MTMR3: variants seen among roughly 807,000 people sequenced by gnomAD.
The protein encoded by MTMR3 is myotubularin related protein 3, also known as phosphatidylinositol-3,5-bisphosphate 3-phosphatase MTMR3.
A neutral mutation model predicts 132.4 loss-of-function variants in MTMR3; 32 were observed. The ratio of observed to expected loss-of-function variants is 0.24; its 90% CI spans 0.18 to 0.32. MTMR3 has a LOEUF of 0.32. Ranked by LOEUF, MTMR3 falls within the 10% of genes least tolerant of loss-of-function variation. The pLI is 1.00. For synonymous variants in MTMR3, 556 were observed against 550.3 expected, an observed-to-expected ratio of 1.01 and a Z score of -0.14; for missense variants, 1,216 against 1,489.6, an observed-to-expected ratio of 0.82 and a Z score of 3.02.
chr22:30,020,764 G>T lies in MTMR3; in HGVS notation c.3105G>T (p.Glu1035Asp), dbSNP rs1269407989. Residue 1035 changes from glutamate to aspartate, a missense_variant, in exon 17 of 20, where the codon GAG becomes GAT. Physicochemically the swap from Glu to Asp is conservative, Grantham distance 45. Coordinates refer to ENST00000401950, the MANE Select transcript of MTMR3 (RefSeq NM_021090.4). ...DTIQQRLRQIESGHQQEVETL... is the reference protein window; with the variant it reads ...DTIQQRLRQIDSGHQQEVETL... ...TCCAACAGCGCCTGCGTCAGATTGA[G>T]TCAGGCCACCAGCAGGAAGTAGAAA... The T allele has an allele frequency of 6.2e-7, 1 of 1,614,110 alleles. No individual in the cohort carries two copies. Among genetic ancestry groups the T allele is most frequent in the African/African-American group, 1.3e-5 (1 of 74,938 alleles).
chr22:29,932,384 T>C (rs898468080), intron 1 of MTMR3, among the ~76,000 whole-genome samples: 2 of 152,226 alleles, frequency 1.3e-5, no homozygotes, highest in African/African-American at 4.8e-5. Flanking sequence ...ATTTTTGTTT[T>C]TGGTTTCATA....
In MTMR3 at chr22:29,896,034, G is replaced by A. The variant is rs191246301; in HGVS notation, c.-138+12675G>A. On this transcript the variant is annotated intron_variant, in intron 1 of 19. Transcript: ENST00000401950. The stretch of plus-strand genomic sequence containing the variant: ...TCAAGCTTTTTCACCTTTTGGCTGG[G>A]CGTGGTAGCCCACGCCTGTATTCCC... Among the ~76,000 whole-genome samples the A allele has an allele frequency of 7.6e-4, 116 of 152,274 alleles. 1 individual carries two copies. The highest frequency in any genetic ancestry group is 2.6e-3 in the African/African-American group (107 of 41,570).
At chr22:29,971,857 AAT>A (rs2066543011) in intron 3 of MTMR3, among the ~76,000 whole-genome samples, 1 of 152,174 alleles carries the variant, frequency 6.6e-6, no homozygotes, top group South Asian at 2.1e-4. Flanking sequence ...GGTCCTCTGT[AAT>A]ATTGTCCTTC....
intron 1 of MTMR3, among the ~76,000 whole-genome samples, chr22:29,888,913 CTTT>C (rs1421197712): frequency 6.6e-6 from 1 of 151,094 alleles, no homozygotes; most frequent in Admixed American, 6.6e-5. Context: ...GTCGTTAATA[CTTT>C]TATAACTTAG....
At chr22:29,890,558 G>A (rs1211808347) in intron 1 of MTMR3, among the ~76,000 whole-genome samples, 5 of 151,964 alleles carry the variant, frequency 3.3e-5, no homozygotes, top group African/African-American at 1.2e-4. Context: ...CAAACGGTAC[G>A]TGTGTTTTAA....
At chr22:29,920,265 T>C (rs1053190963) in intron 1 of MTMR3, among the ~76,000 whole-genome samples, 1 of 151,964 alleles carries the variant, frequency 6.6e-6, no homozygotes, top group East Asian at 1.9e-4. Flanking sequence ...CTTTAAAAAT[T>C]AGATAACTCA....
chr22:29,900,593 T>C (rs2064986219), intron 1 of MTMR3, among the ~76,000 whole-genome samples: 1 of 152,162 alleles, frequency 6.6e-6, no homozygotes, highest in Non-Finnish European at 1.5e-5. Context: ...TATTAACTCA[T>C]TTAATAGTCT....
At chr22:29,996,157 A>T (rs1399471243) in intron 7 of MTMR3, 3 of 152,240 alleles carry the variant, frequency 2.0e-5, no homozygotes, top group Admixed American at 2.0e-4. Context: ...AAATTAAAAC[A>T]TGTTTGTTGT....
In MTMR3 at chr22:30,020,902, T is replaced by C; in HGVS notation, c.3225+18T>C. 6.4e-7 allele frequency: 1 copy of C among 1,557,996 alleles called. No individual in the cohort carries two copies. The highest frequency in any genetic ancestry group is 1.7e-4 in the Middle Eastern group (1 of 5,764). ...ATGAGGTGGTGAGTAGGCTGTGGTA[T>C]TCCTCCATAGCTGCCCAAGGAGACG... On this transcript the variant is annotated intron_variant, in intron 17 of 19. Coordinates refer to ENST00000401950, the MANE Select transcript of MTMR3 (RefSeq NM_021090.4).
chr22:30,017,991 C>T lies in MTMR3; in HGVS notation c.1739C>T (p.Pro580Leu), dbSNP rs1443568166. The change falls in exon 16 of 20, where the codon CCA (proline) becomes CTA (leucine). Residue 580 changes from proline (P) to leucine (L), a missense_variant. Transcript: ENST00000401950. The stretch of plus-strand genomic sequence containing the variant: ...TGGAGTGCAGTGTACCTGCCCTGCC[C>T]ATCCCCAACCACCCCTGTGGACGAC... ...MLWSAVYLPC[P>L]SPTTPVDDSC... 2.5e-6 allele frequency: 4 copies of T among 1,613,860 alleles called. No individual in the cohort carries two copies. In the South Asian group the frequency reaches 4.4e-5, roughly 18 times the overall value.
rs2145993996 is a variant in MTMR3 at position 30,027,232 on chromosome 22, T to A, written c.*1431T>A. ...AGCTGCTAACTGGTGACAGGGTGGA[T>A]CATGGTGAGGACTAGGGGTAAGGTC... On this transcript the variant is annotated 3_prime_UTR_variant, in exon 20 of 20. Transcript: ENST00000401950. The A allele has an allele frequency of 6.5e-6, 1 of 152,894 alleles. No individual in the cohort carries two copies. Among genetic ancestry groups the A allele is most frequent in the Non-Finnish European group, 1.5e-5 (1 of 68,074 alleles). The allele number at this position is 152,894 out of a possible 1,614,324, so 9.5% of individuals were successfully genotyped here.
chr22:29,925,204 A>G (rs188244106), intron 1 of MTMR3, among the ~76,000 whole-genome samples: 62 of 152,058 alleles, frequency 4.1e-4, no homozygotes, highest in Non-Finnish European at 1.5e-4. Flanking sequence ...GGCTAGTTTT[A>G]CTGTTTTTTG....
At chr22:29,965,220 ACTGT>A (rs1309256115) in intron 2 of MTMR3, among the ~76,000 whole-genome samples, 2 of 151,876 alleles carry the variant, frequency 1.3e-5, no homozygotes, top group African/African-American at 4.8e-5. Context: ...ACAGTGTCAT[ACTGT>A]CTAACACATA....
rs540249594 is a variant in MTMR3 at position 29,910,076 on chromosome 22, A to G, written c.-138+26717A>G. Among the ~76,000 whole-genome samples, 966 of 151,814 alleles carry G rather than the reference A, an allele frequency of 6.4e-3. 5 individuals are homozygous for G. The highest frequency in any genetic ancestry group is 9.4e-3 in the Non-Finnish European group (642 of 67,940). On this transcript the variant is annotated intron_variant, in intron 1 of 19. Transcript: ENST00000401950. ...CTACTCGGGAGGCTGAGGCAGGAGAATGGCGTGAACCCAGGAGGCGGAGCT... is the reference window on the plus strand; with the variant it reads ...CTACTCGGGAGGCTGAGGCAGGAGAGTGGCGTGAACCCAGGAGGCGGAGCT...
At chr22:29,957,120 G>A (rs866690517) in intron 2 of MTMR3, 32 bp downstream of exon 2, 5 of 130,430 alleles carry the variant, frequency 3.8e-5, no homozygotes, top group Non-Finnish European at 6.5e-5. Flanking sequence ...TGCCACCCCC[G>A]CCCCCCTCCA....
At chr22:29,952,618 G>A (rs554810216) in intron 1 of MTMR3, among the ~76,000 whole-genome samples, 1 of 152,130 alleles carries the variant, frequency 6.6e-6, no homozygotes, top group Non-Finnish European at 1.5e-5. Context: ...GTTCATTGCT[G>A]TATTTCTAGT....
chr22:29,902,511 C>A (rs547190571), intron 1 of MTMR3, among the ~76,000 whole-genome samples: 1 of 150,426 alleles, frequency 6.6e-6, no homozygotes, highest in Non-Finnish European at 1.5e-5. Flanking sequence ...GGACTACAGG[C>A]GCCCACCACC....
intron 15 of MTMR3, 117 bp from the exon 16 acceptor site, chr22:30,017,810 A>C: frequency 7.8e-7 from 1 of 1,286,622 alleles, no homozygotes. Context: ...TTCTTTGTGG[A>C]GATCCTGTCA....
chr22:30,026,767 C>G lies in MTMR3; in HGVS notation c.*966C>G, dbSNP rs1159997553. On this transcript the variant is annotated 3_prime_UTR_variant, in exon 20 of 20. Transcript: ENST00000401950. ...CTCAGGGTTCCAGAAATCCCCCGTTCCCAAACCAAACCAATCATGGATCTT... is the reference window on the plus strand; with the variant it reads ...CTCAGGGTTCCAGAAATCCCCCGTTGCCAAACCAAACCAATCATGGATCTT... The G allele has an allele frequency of 6.5e-6, 1 of 152,878 alleles. No individual in the cohort carries two copies. The highest frequency in any genetic ancestry group is 2.4e-5 in the African/African-American group (1 of 41,460). 9.5% of individuals were successfully genotyped at this position (152,878 alleles called of 1,614,324 possible).
Sources: gnomAD v4.1 joint callset for allele counts (sites outside exome capture counted in the v4.1 genomes callset) on GRCh38, gnomAD v4.1.1 for gene constraint, MANE v1.5 for transcripts, NCBI Gene and HGNC (gene_info 2026-07-23, HGNC 2026-07-21) for gene names.